IL18R1: variants seen among roughly 807,000 people sequenced by gnomAD.
IL18R1 encodes the protein interleukin-18 receptor 1.
Under a neutral mutation model 48.5 loss-of-function variants are expected in IL18R1, and 40 were observed. The ratio of observed to expected loss-of-function variants is 0.82; its 90% CI spans 0.64 to 1.07. The LOEUF is 1.07. IL18R1 is among the 50% of genes least tolerant of loss of function. The pLI is 0.00. For synonymous variants in IL18R1, 232 were observed against 225.9 expected (o/e 1.03, Z -0.24); for missense variants, 596 against 633.7 (o/e 0.94, Z 0.64).
chr2:102,385,970 T>C (rs1314722165), intron 7 of IL18R1, among the ~76,000 whole-genome samples: 1 of 152,242 alleles, frequency 6.6e-6, no homozygotes. Flanking sequence ...CACACACCTT[T>C]GATATCATCT....
chr2:102,387,098 C>T (rs1680277669), intron 8 of IL18R1, 98 bp downstream of exon 8: 1 of 1,309,420 alleles, frequency 7.6e-7, no homozygotes, highest in Admixed American at 2.1e-5. Context: ...CACCAGAACC[C>T]AGCTCCTGAG....
rs1239608498 is a variant in IL18R1, at chr2:102,398,349, A to T, written c.*1463A>T. ...GTCAGTTCGGAAGGCTGGTTAGAAC[A>T]TGTGGGAGCAACATGAATGTTCTAC... On this transcript the variant is annotated 3_prime_UTR_variant, in exon 11 of 11. Transcript: ENST00000233957. 1.3e-5 allele frequency: 2 copies of T among 152,382 alleles called. No individual in the cohort carries two copies. The highest frequency in any genetic ancestry group is 2.9e-5 in the Non-Finnish European group (2 of 68,042). The allele number at this position is 152,382 out of a possible 1,614,324, so 9.4% of individuals were successfully genotyped here.
At chr2:102,375,586 T>C (rs1251963455) in intron 4 of IL18R1, among the ~76,000 whole-genome samples, 1 of 152,182 alleles carries the variant, frequency 6.6e-6, no homozygotes, top group African/African-American at 2.4e-5. Flanking sequence ...TCTCTCTCTG[T>C]CTCTCGCTGT....
intron 5 of IL18R1, among the ~76,000 whole-genome samples, chr2:102,376,419 G>T (rs1052391907): frequency 1.3e-5 from 2 of 152,194 alleles, no homozygotes; most frequent in African/African-American, 4.8e-5. Context: ...GCACAAGGAG[G>T]CAGGGAAGCA....
In IL18R1 at chr2:102,367,870, C is replaced by G. The variant is rs774529728; in HGVS notation, c.104C>G (p.Pro35Arg). ...RPHITVVEGE[P>R]FYLKHCSCSL... ...CACATTACTGTGGTTGAAGGGGAACCTTTCTATCTGAAACATTGCTCGTGT... is the reference window on the plus strand; with the variant it reads ...CACATTACTGTGGTTGAAGGGGAACGTTTCTATCTGAAACATTGCTCGTGT... Residue 35 changes from proline (P) to arginine (R), a missense_variant, in exon 3 of 11, where the codon CCT becomes CGT. By Grantham distance (103) the Pro-to-Arg change is moderately radical (BLOSUM62 -2). Around this residue, in one of 3 missense-constraint regions of IL18R1, gnomAD observed 360 missense variants for 339.4 expected, o/e 1.06. Coordinates refer to ENST00000233957, the MANE Select transcript of IL18R1 (RefSeq NM_003855.5). 6.2e-7 allele frequency: 1 copy of G among 1,613,924 alleles called. No individual in the cohort carries two copies. The highest frequency in any genetic ancestry group is 1.1e-5 in the South Asian group (1 of 91,044).
At chr2:102,374,115 A>C in intron 4 of IL18R1, 1 of 210,276 alleles carries the variant, frequency 4.8e-6, no homozygotes, top group East Asian at 1.3e-4. Context: ...ACCCCTGCCC[A>C]CCCTGGTCCA....
intron 8 of IL18R1, 47 bp downstream of exon 8, chr2:102,387,047 A>G (rs764465433): frequency 6.3e-7 from 1 of 1,576,024 alleles, no homozygotes; most frequent in South Asian, 1.1e-5. Flanking sequence ...GCTCATTGCT[A>G]CTGAGAGACA....
At chr2:102,373,910 T>A (rs1167623421) in intron 4 of IL18R1, 3 of 428,678 alleles carry the variant, frequency 7.0e-6, no homozygotes, top group South Asian at 5.1e-5. Flanking sequence ...TGCCTGATGA[T>A]CTGTCACTGT....
chr2:102,398,150 C>A lies in IL18R1; in HGVS notation c.*1264C>A, dbSNP rs1252088785. ...GAGGAGGTTTGCACATGTAGAGAAG[C>A]ATACTGGAGAAGCATATCCAGAGGG... On this transcript the variant is annotated 3_prime_UTR_variant, in exon 11 of 11. Transcript: ENST00000233957. The A allele has an allele frequency of 6.6e-6, 1 of 152,306 alleles. No homozygotes were observed. Among genetic ancestry groups the A allele is most frequent in the Non-Finnish European group, 1.5e-5 (1 of 68,038 alleles). The allele number at this position is 152,306 out of a possible 1,614,324, so 9.4% of individuals were successfully genotyped here.
intron 5 of IL18R1, among the ~76,000 whole-genome samples, chr2:102,377,782 T>C (rs1306027324): frequency 6.6e-6 from 1 of 152,236 alleles, no homozygotes; most frequent in African/African-American, 2.4e-5. Context: ...TGAGACAGCA[T>C]TGTGCCCACC....
rs377492212 is a variant in IL18R1 at position 102,384,440 on chromosome 2, C to A, written c.689-438C>A. Among the ~76,000 whole-genome samples, 7 of 152,336 alleles carry A rather than the reference C, an allele frequency of 4.6e-5. No homozygotes were observed. The South Asian group carries it at 1.4e-3, about 32-fold the overall frequency. ...AATGAAATGGCCACCTATCTTAGCTCACCCTAGAAAGGATCCTTCTTAAGT... is the reference window on the plus strand; with the variant it reads ...AATGAAATGGCCACCTATCTTAGCTAACCCTAGAAAGGATCCTTCTTAAGT... On this transcript the variant is annotated intron_variant, in intron 6 of 10. Coordinates refer to ENST00000233957, the MANE Select transcript of IL18R1 (RefSeq NM_003855.5).
At chr2:102,377,106 T>C (rs557844099) in intron 5 of IL18R1, among the ~76,000 whole-genome samples, 1 of 152,318 alleles carries the variant, frequency 6.6e-6, no homozygotes, top group Non-Finnish European at 1.5e-5. Context: ...GGGTGGCTTG[T>C]TCAACAAAAT....
rs199966642 is a variant in IL18R1 at position 102,375,963 on chromosome 2, C to T, written c.525C>T (p.Ala175=). Residue 175 remains alanine, a synonymous_variant, in exon 5 of 11, where the codon GCC becomes GCT. Coordinates refer to ENST00000233957, the MANE Select transcript of IL18R1 (RefSeq NM_003855.5). ...NNKNPTIKKN[A]EFEDQGYYSC... ...AAAACCCAACGATAAAGAAGAACGC[C>T]GAGTTTGAAGATCAGGGGTATTACT... is the stretch of plus-strand genomic sequence containing the variant. 1.3e-4 allele frequency: 207 copies of T among 1,605,524 alleles called. No individual in the cohort carries two copies. Among genetic ancestry groups the T allele is most frequent in the Middle Eastern group, 1.7e-4 (1 of 6,056 alleles).
At chr2:102,374,940 G>C (rs940062299) in intron 4 of IL18R1, among the ~76,000 whole-genome samples, 3 of 152,142 alleles carry the variant, frequency 2.0e-5, no homozygotes, top group South Asian at 2.1e-4. Flanking sequence ...GTAGATAATT[G>C]ATTGGAAAGG....
rs1353817092 is a variant in IL18R1, at chr2:102,397,829, CTACT to C, written c.*949_*952del. ...ATCCTGAGCTCCAGTCCTGAGTTTG[CTACT>C]TACTTCTGTGGCCTCTGGAACCTTA... On this transcript the variant is annotated 3_prime_UTR_variant, in exon 11 of 11. Coordinates refer to ENST00000233957, the MANE Select transcript of IL18R1 (RefSeq NM_003855.5). 6.6e-6 allele frequency: 1 copy of C among 152,286 alleles called. No individual in the cohort carries two copies. Among genetic ancestry groups the C allele is most frequent in the Non-Finnish European group, 1.5e-5 (1 of 68,038 alleles). 9.4% of individuals were successfully genotyped at this position (152,286 alleles called of 1,614,324 possible).
chr2:102,382,540 G>C (rs1679978373), intron 6 of IL18R1, among the ~76,000 whole-genome samples: 2 of 152,158 alleles, frequency 1.3e-5, no homozygotes, highest in Admixed American at 6.5e-5. Context: ...TATCATGCTA[G>C]GTCATTGAAA....
In IL18R1 at chr2:102,362,719, G is replaced by A. The variant is rs768977005; in HGVS notation, c.58+1G>A. 2 of 1,562,296 alleles carry A rather than the reference G, an allele frequency of 1.3e-6. No individual in the cohort carries two copies. Among genetic ancestry groups the A allele is most frequent in the Middle Eastern group, 1.7e-4 (1 of 5,946 alleles). On this transcript the variant is annotated splice_donor_variant, in intron 2 of 10. Transcript: ENST00000233957. LOFTEE classifies it high-confidence loss of function. ...GTGCTTATATCTGTAAGCACTGCAGGTAAGTGATTATACATACTCTCAAAC... is the reference window on the plus strand; with the variant it reads ...GTGCTTATATCTGTAAGCACTGCAGATAAGTGATTATACATACTCTCAAAC...
In IL18R1 at chr2:102,374,962, T is replaced by C. The variant is rs116131037; in HGVS notation, c.469-945T>C. Among the ~76,000 whole-genome samples, 401 of 152,000 alleles carry C rather than the reference T, an allele frequency of 2.6e-3. 1 individual carries two copies. The highest frequency in any genetic ancestry group is 4.4e-3 in the Non-Finnish European group (298 of 67,952). On this transcript the variant is annotated intron_variant, in intron 4 of 10. Transcript: ENST00000233957. ...ATTGATTGGAAAGGAAAATGAAGAG[T>C]CTCTGATCTTTTCTATAGCTTGAAA...
intron 5 of IL18R1, among the ~76,000 whole-genome samples, chr2:102,378,136 C>T (rs1679702494): frequency 6.6e-6 from 1 of 152,184 alleles, no homozygotes; most frequent in Non-Finnish European, 1.5e-5. Flanking sequence ...GCAGCTCTTT[C>T]CTTCCTTCTT....
Sources: gnomAD v4.1 joint callset for allele counts (sites outside exome capture counted in the v4.1 genomes callset) on GRCh38, gnomAD v4.1.1 for gene constraint, gnomAD v4.1.1 regional missense constraint, MANE v1.5 for transcripts, NCBI Gene and HGNC (gene_info 2026-07-23, HGNC 2026-07-21) for gene names.